The following ST3GAL3 variants were observed in gnomAD, a reference collection of about 807,000 sequenced individuals.
ST3GAL3 encodes CMP-N-acetylneuraminate-beta-1,4-galactoside alpha-2,3-sialyltransferase.
In ST3GAL3, 21 loss-of-function variants were observed where a neutral mutation model predicts 50.1. That is an observed-to-expected ratio of 0.42 (90% confidence interval 0.30 to 0.60). ST3GAL3 has a LOEUF of 0.60. Ranked by LOEUF, ST3GAL3 falls within the 20% of genes least tolerant of loss-of-function variation. The pLI, the probability that ST3GAL3 is intolerant of heterozygous loss-of-function variation, is 0.19. For synonymous variants in ST3GAL3, 183 were observed against 190.0 expected, an observed-to-expected ratio of 0.96 and a Z score of 0.30; for missense variants, 353 against 489.4, an observed-to-expected ratio of 0.72 and a Z score of 2.63.
At chr1:43,783,036 C>G (rs997978786) in intron 2 of ST3GAL3, among the ~76,000 whole-genome samples, 1 of 147,528 alleles carries the variant, frequency 6.8e-6, no homozygotes, top group African/African-American at 2.5e-5. Flanking sequence ...CTTTGGGATT[C>G]TAATACTATC....
intron 5 of ST3GAL3, among the ~76,000 whole-genome samples, chr1:43,889,076 A>G (rs1184596715): frequency 6.6e-6 from 1 of 152,150 alleles, no homozygotes; most frequent in Non-Finnish European, 1.5e-5. Context: ...CAATCATGGG[A>G]GTATTATTGA....
intron 1 of ST3GAL3, among the ~76,000 whole-genome samples, chr1:43,733,569 T>C (rs1160613461): frequency 6.6e-6 from 1 of 152,218 alleles, no homozygotes; most frequent in African/African-American, 2.4e-5. Context: ...CATTGACCTG[T>C]TTTTTCCTCT....
chr1:43,807,582 A>G (rs1297829849), intron 3 of ST3GAL3, among the ~76,000 whole-genome samples: 1 of 152,192 alleles, frequency 6.6e-6, no homozygotes. Flanking sequence ...TTTATCTTAC[A>G]GAAAGATAGC....
intron 9 of ST3GAL3, among the ~76,000 whole-genome samples, chr1:43,906,542 TC>T (rs1241241403): frequency 7.4e-6 from 1 of 135,512 alleles, no homozygotes; most frequent in African/African-American, 2.8e-5. Context: ...CTGCCACTCT[TC>T]CTCCTGTTCC....
At chr1:43,918,647 A>G (rs1026628312) in intron 9 of ST3GAL3, among the ~76,000 whole-genome samples, 4 of 152,112 alleles carry the variant, frequency 2.6e-5, no homozygotes, top group African/African-American at 9.7e-5. Flanking sequence ...ATATACTGTA[A>G]TACCTAATTT....
At chr1:43,759,094 C>T (rs1475203945) in intron 2 of ST3GAL3, among the ~76,000 whole-genome samples, 1 of 150,098 alleles carries the variant, frequency 6.7e-6, no homozygotes, top group Non-Finnish European at 1.5e-5. Context: ...CACACACACA[C>T]ACACACACAC....
intron 2 of ST3GAL3, chr1:43,771,736 GT>G: frequency 2.0e-4 from 23 of 113,802 alleles, no homozygotes; most frequent in Non-Finnish European, 3.6e-4. Flanking sequence ...AAAGTTGTGT[GT>G]GTGTGTGTGT....
chr1:43,841,235 C>G (rs1318594752), intron 5 of ST3GAL3: 1 of 152,336 alleles, frequency 6.6e-6, no homozygotes, highest in African/African-American at 2.4e-5. Context: ...GATGGTGGCC[C>G]CCTTCTCACA....
intron 3 of ST3GAL3, among the ~76,000 whole-genome samples, chr1:43,806,683 TATTTA>T (rs1018925488): frequency 7.2e-5 from 11 of 152,166 alleles, no homozygotes; most frequent in Non-Finnish European, 1.0e-4. Flanking sequence ...ATTGGGAAAT[TATTTA>T]ATTTAATTTT....
intron 4 of ST3GAL3, among the ~76,000 whole-genome samples, chr1:43,818,634 CA>C (rs1044724542): frequency 2.6e-5 from 4 of 152,080 alleles, no homozygotes; most frequent in East Asian, 1.9e-4. Context: ...GGAGTACTCA[CA>C]AAGATTTCTG....
chr1:43,838,827 G>A (rs942515896), intron 5 of ST3GAL3: 5 of 193,210 alleles, frequency 2.6e-5, no homozygotes, highest in Non-Finnish European at 4.4e-5. Flanking sequence ...GCATAACCCA[G>A]GGAGTTCCTT....
intron 9 of ST3GAL3, among the ~76,000 whole-genome samples, chr1:43,909,430 G>A (rs766072945): frequency 6.6e-6 from 1 of 152,176 alleles, no homozygotes; most frequent in Non-Finnish European, 1.5e-5. Context: ...AGTCCCTGGC[G>A]CTCTGCCTTT....
intron 3 of ST3GAL3, among the ~76,000 whole-genome samples, chr1:43,800,417 C>T (rs1339307581): frequency 1.3e-5 from 2 of 152,250 alleles, no homozygotes; most frequent in Non-Finnish European, 2.9e-5. Context: ...CCTCTTTTGA[C>T]TCCCATGATT....
chr1:43,881,265 C>T (rs985003149), intron 5 of ST3GAL3, among the ~76,000 whole-genome samples: 1 of 152,264 alleles, frequency 6.6e-6, no homozygotes, highest in African/African-American at 2.4e-5. Flanking sequence ...CCCGCCTCAG[C>T]CTCCCAAAGT....
intron 5 of ST3GAL3, among the ~76,000 whole-genome samples, chr1:43,886,156 A>G (rs894246175): frequency 1.3e-5 from 2 of 152,198 alleles, no homozygotes; most frequent in Admixed American, 1.3e-4. Context: ...CGAGGCGGGC[A>G]GATCACCTGA....
intron 2 of ST3GAL3, among the ~76,000 whole-genome samples, chr1:43,788,130 G>A (rs149478654): frequency 2.6e-5 from 4 of 152,346 alleles, no homozygotes; most frequent in East Asian, 3.9e-4. Context: ...CAAAAATGCA[G>A]AGAATAAGCA....
At chr1:43,873,527 G>A (rs567699659) in intron 5 of ST3GAL3, among the ~76,000 whole-genome samples, 10 of 152,104 alleles carry the variant, frequency 6.6e-5, no homozygotes, top group African/African-American at 1.9e-4. Flanking sequence ...GTTCACACCT[G>A]TAATCCCAGC....
At position 43,717,886 on chromosome 1, in the gene ST3GAL3, A is replaced by T. The variant is rs1456270251; in HGVS notation, c.-31+10193A>T. Among the ~76,000 whole-genome samples, 19 of 150,444 alleles carry T rather than the reference A, an allele frequency of 1.3e-4. No homozygotes were observed. The South Asian group carries it at 3.6e-3, about 28-fold the overall frequency. On this transcript the variant is annotated intron_variant, in intron 1 of 11. Transcript: ENST00000347631. ...CCTATCATGAATTTTTTTTTTTTTT[A>T]AATGAGACGGAGTTTCACTCTTGTT...
At chr1:43,904,492 T>A (rs1422319810) in intron 9 of ST3GAL3, among the ~76,000 whole-genome samples, 1 of 151,920 alleles carries the variant, frequency 6.6e-6, no homozygotes, top group Non-Finnish European at 1.5e-5. Context: ...CTCCCATGCC[T>A]CTTATCCCTG....
Sources: allele counts gnomAD v4.1 joint callset (sites outside exome capture counted in the v4.1 genomes callset), GRCh38; gene constraint gnomAD v4.1.1; transcripts MANE v1.5; gene names NCBI Gene and HGNC (gene_info 2026-07-23, HGNC 2026-07-21).